Variants in SLC9A2 observed in about 807,000 individuals in gnomAD.
SLC9A2 encodes the protein sodium/hydrogen exchanger 2.
In SLC9A2, 42 loss-of-function variants were observed where a neutral mutation model predicts 71.7. The observed-to-expected ratio is 0.59, with a 90% CI of 0.46 to 0.76. The LOEUF (loss-of-function observed/expected upper bound fraction) is 0.76, where lower values mean the gene tolerates loss of function less well. Ranked by LOEUF, SLC9A2 falls within the 30% of genes least tolerant of loss-of-function variation. SLC9A2 has a pLI of 0.00. For missense variants in SLC9A2, 829 were observed against 1,017.4 expected (o/e 0.81, Z 2.52); for synonymous variants, 396 against 392.5 (o/e 1.01, Z -0.10).
At chr2:102,669,578 T>C (rs1677206545) in intron 3 of SLC9A2, among the ~76,000 whole-genome samples, 1 of 152,192 alleles carries the variant, frequency 6.6e-6, no homozygotes, top group South Asian at 2.1e-4. Context: ...CCTTTGAGTA[T>C]CAAAGTACTA....
chr2:102,660,264 A>G (rs1005978059), intron 2 of SLC9A2, among the ~76,000 whole-genome samples: 29 of 152,218 alleles, frequency 1.9e-4, no homozygotes. Flanking sequence ...GAAGAAGGGC[A>G]CAGACAGAGC....
At chr2:102,632,037 T>C (rs2058611) in intron 1 of SLC9A2, among the ~76,000 whole-genome samples, 17,396 of 59,722 alleles carry the variant, frequency 0.29, 3,644 homozygotes, top group East Asian at 0.58. Flanking sequence ...TATATATATA[T>C]ACATACACAC....
At chr2:102,655,764 A>G (rs1483275847) in intron 1 of SLC9A2, among the ~76,000 whole-genome samples, 1 of 152,242 alleles carries the variant, frequency 6.6e-6, no homozygotes, top group Non-Finnish European at 1.5e-5. Context: ...CAACTGGATA[A>G]TTTATAAATA....
rs776781986 is a variant in SLC9A2 at position 102,708,260 on chromosome 2, T to C, written c.2210T>C (p.Val737Ala). 1 of 1,614,164 alleles carries C rather than the reference T, an allele frequency of 6.2e-7. No homozygotes were observed. Among genetic ancestry groups the C allele is most frequent in the Non-Finnish European group, 8.5e-7 (1 of 1,180,038 alleles). ...YKMEWKNEVD[V>A]DSGRDMPSTP... ...ATGGAATGGAAGAATGAGGTAGATG[T>C]TGATTCTGGCCGAGATATGCCCAGC... Residue 737 changes from valine (V) to alanine (A), a missense_variant, in exon 12 of 12, where the codon GTT (valine) becomes GCT (alanine). Around this residue, in one of 3 missense-constraint regions of SLC9A2, gnomAD observed 223 missense variants for 197.5 expected, o/e 1.13. Coordinates refer to ENST00000233969, the MANE Select transcript of SLC9A2 (RefSeq NM_003048.6).
chr2:102,624,615 G>T (rs1168658629), intron 1 of SLC9A2, among the ~76,000 whole-genome samples: 1 of 152,102 alleles, frequency 6.6e-6, no homozygotes, highest in Non-Finnish European at 1.5e-5. Flanking sequence ...TTGTCCTGGG[G>T]TTCCCCTAAC....
Position 102,619,569 on chromosome 2 carries a change from G to A in SLC9A2, c.-280G>A, listed in dbSNP as rs1392183566. 3.7e-6 allele frequency: 1 copy of A among 269,778 alleles called. No individual in the cohort carries two copies. The highest frequency in any genetic ancestry group is 6.9e-6 in the Non-Finnish European group (1 of 145,160). The allele number at this position is 269,778 out of a possible 1,614,324, so 16.7% of individuals were successfully genotyped here. ...GCTGCGGCTGGAGAGCAGCGCACCGGCATGGGCAGGCGGCCGGCGGCGGAG... is the reference window on the plus strand; with the variant it reads ...GCTGCGGCTGGAGAGCAGCGCACCGACATGGGCAGGCGGCCGGCGGCGGAG... On this transcript the variant is annotated 5_prime_UTR_variant, in exon 1 of 12. Transcript: ENST00000233969. This position sits in a 1 kb window ranked among gnomAD's most constrained non-coding sequence, Gnocchi z 4.3.
At chr2:102,628,973 A>G (rs144875009) in intron 1 of SLC9A2, among the ~76,000 whole-genome samples, 1 of 152,104 alleles carries the variant, frequency 6.6e-6, no homozygotes, top group East Asian at 1.9e-4. Context: ...TTTTCCATTT[A>G]TACTTGAAAA....
At chr2:102,638,721 G>A (rs970459628) in intron 1 of SLC9A2, among the ~76,000 whole-genome samples, 7 of 152,238 alleles carry the variant, frequency 4.6e-5, no homozygotes, top group Admixed American at 2.0e-4. Flanking sequence ...GAGTCTGGGC[G>A]CAGTGGCTTA....
At chr2:102,662,264 A>G (rs1310174965) in intron 2 of SLC9A2, among the ~76,000 whole-genome samples, 1 of 152,214 alleles carries the variant, frequency 6.6e-6, no homozygotes, top group Non-Finnish European at 1.5e-5. Flanking sequence ...GTTGCCAGGA[A>G]AATAGTTTTG....
intron 11 of SLC9A2, 39 bp from the exon 12 acceptor site, chr2:102,708,080 C>G (rs758330768): frequency 1.3e-6 from 2 of 1,581,546 alleles, no homozygotes; most frequent in Non-Finnish European, 1.7e-6. Context: ...TGCCTTCTCT[C>G]TAAAATGCTT....
chr2:102,694,357 A>G (rs1354784018), intron 5 of SLC9A2, 57 bp from the exon 6 acceptor site: 3 of 628,126 alleles, frequency 4.8e-6, no homozygotes, highest in South Asian at 5.1e-5. Flanking sequence ...TTTATATTAA[A>G]CAATTTATAA....
chr2:102,661,154 A>G (rs1003077612), intron 2 of SLC9A2, among the ~76,000 whole-genome samples: 2 of 152,266 alleles, frequency 1.3e-5, no homozygotes, highest in African/African-American at 4.8e-5. Flanking sequence ...CCGTTAGAAT[A>G]AATGTTGCAT....
chr2:102,683,521 C>A (rs1449751891), intron 4 of SLC9A2, 43 bp downstream of exon 4: 4 of 1,435,656 alleles, frequency 2.8e-6, no homozygotes, highest in South Asian at 2.3e-5. Flanking sequence ...GTAACACTCA[C>A]TAATTGAATG....
chr2:102,656,217 G>A lies in SLC9A2; in HGVS notation c.290-1347G>A, dbSNP rs145421702. Reference sequence around the variant, plus strand: ...ACTTTCCACGTTGCCTCCATGTGCTGGCCCAACCCACATCTCTCTCCTCTT... The same window carrying A: ...ACTTTCCACGTTGCCTCCATGTGCTAGCCCAACCCACATCTCTCTCCTCTT... On this transcript the variant is annotated intron_variant, in intron 1 of 11. Transcript: ENST00000233969. 6.5e-3 allele frequency among the ~76,000 whole-genome samples: 978 copies of A among 151,074 alleles called. 6 individuals are homozygous for A. The highest frequency in any genetic ancestry group is 0.011 in the Non-Finnish European group (718 of 67,710).
At position 102,704,665 on chromosome 2, in the gene SLC9A2, G is replaced by C. The variant is rs115244050; in HGVS notation, c.1967G>C (p.Arg656Pro). ...ATTAGGAAGGACAGCAGCTTGAATCGAGAACACAGGGTAACTGAGTGTGCG... is the reference window on the plus strand; with the variant it reads ...ATTAGGAAGGACAGCAGCTTGAATCCAGAACACAGGGTAACTGAGTGTGCG... ...ESIRKDSSLN[R>P]EHRASTSTSR... is the part of the protein sequence containing the mutation. Residue 656 changes from arginine (R) to proline (P), a missense_variant, in exon 10 of 12, where the codon CGA (arginine) becomes CCA (proline). Physicochemically the swap from Arg to Pro is moderately radical, Grantham distance 103 (BLOSUM62 -2). Transcript: ENST00000233969. The C allele has an allele frequency of 1.2e-6, 2 of 1,611,574 alleles. No individual in the cohort carries two copies. The highest frequency in any genetic ancestry group is 1.3e-5 in the African/African-American group (1 of 74,950).
rs1254800744 is a variant in SLC9A2 at position 102,619,994 on chromosome 2, C to T, written c.146C>T (p.Pro49Leu). 1.2e-6 allele frequency: 2 copies of T among 1,613,994 alleles called. No homozygotes were observed. Among genetic ancestry groups the T allele is most frequent in the Non-Finnish European group, 8.5e-7 (1 of 1,179,986 alleles). ...APRAMGTSSS[P>L]PSPASVVAPG... ...AGGGCCATGGGCACCAGTTCCAGCCCGCCTAGCCCTGCGAGCGTGGTGGCT... is the reference window on the plus strand; with the variant it reads ...AGGGCCATGGGCACCAGTTCCAGCCTGCCTAGCCCTGCGAGCGTGGTGGCT... The change falls in exon 1 of 12, where the codon CCG becomes CTG. Residue 49 changes from proline to leucine, a missense_variant. This residue lies in a region of SLC9A2 where 106 missense variants were observed against 93.5 expected (regional missense o/e 1.13). Coordinates refer to ENST00000233969, the MANE Select transcript of SLC9A2 (RefSeq NM_003048.6). This position sits in a 1 kb window ranked among gnomAD's most constrained non-coding sequence, Gnocchi z 4.3.
intron 8 of SLC9A2, 87 bp downstream of exon 8, chr2:102,701,318 T>C: frequency 9.7e-7 from 1 of 1,027,770 alleles, no homozygotes; most frequent in Non-Finnish European, 1.4e-6. Context: ...TTTAAAAAAA[T>C]TATTATTAAT....
chr2:102,709,910 A>G lies in SLC9A2; in HGVS notation c.*1421A>G, dbSNP rs1447672594. 2 of 152,492 alleles carry G rather than the reference A, an allele frequency of 1.3e-5. No homozygotes were observed. Among genetic ancestry groups the G allele is most frequent in the East Asian group, 3.8e-4 (2 of 5,312 alleles). The allele number at this position is 152,492 out of a possible 1,614,324, so 9.4% of individuals were successfully genotyped here. A position where few individuals can be genotyped will look rare whatever the true frequency, so the allele number is the denominator to read the frequency against. Reference sequence around the variant, plus strand: ...AGTCCTTTGATTTCCCACTGAAGATACCCCAAAGGATGCAAGTGCCTACAG... The same window carrying G: ...AGTCCTTTGATTTCCCACTGAAGATGCCCCAAAGGATGCAAGTGCCTACAG... On this transcript the variant is annotated 3_prime_UTR_variant, in exon 12 of 12. Coordinates refer to ENST00000233969, the MANE Select transcript of SLC9A2 (RefSeq NM_003048.6).
intron 10 of SLC9A2, among the ~76,000 whole-genome samples, chr2:102,705,293 T>C (rs976052678): frequency 1.3e-5 from 2 of 152,152 alleles, no homozygotes; most frequent in African/African-American, 2.4e-5. Context: ...TATATTGGGT[T>C]GTCAGAAATC....
Sources: gnomAD v4.1 joint callset for allele counts (sites outside exome capture counted in the v4.1 genomes callset) on GRCh38, gnomAD v4.1.1 for gene constraint, gnomAD v4.1.1 regional missense constraint, Gnocchi (gnomAD v3.1) non-coding constraint, MANE v1.5 for transcripts, NCBI Gene and HGNC (gene_info 2026-07-23, HGNC 2026-07-21) for gene names.